ZNF138: variants seen among roughly 807,000 people sequenced by gnomAD.
ZNF138 encodes the protein zinc finger protein 138 (clone pHZ-32).
Under a neutral mutation model 33.0 loss-of-function variants are expected in ZNF138, and 33 were observed. The observed-to-expected ratio is 1.00, with a 90% CI of 0.76 to 1.34. ZNF138 has a LOEUF of 1.34. Ranked by LOEUF, ZNF138 falls within the 40% of genes most tolerant of loss-of-function variation. The probability of loss-of-function intolerance (pLI) is 0.00; values close to 1 mark genes in which losing one functional copy is unlikely to be tolerated. For missense variants in ZNF138, 360 were observed against 370.8 expected (o/e 0.97, Z 0.24); for synonymous variants, 139 against 120.4 (o/e 1.15, Z -1.01).
At chr7:64,824,653 A>T (rs1224806266) in intron 3 of ZNF138, among the ~76,000 whole-genome samples, 3 of 152,204 alleles carry the variant, frequency 2.0e-5, no homozygotes, top group Non-Finnish European at 2.9e-5. Flanking sequence ...ATGCACATAC[A>T]TAGACAAATA....
intron 1 of ZNF138, among the ~76,000 whole-genome samples, chr7:64,813,435 GAT>G (rs61193761): frequency 0.04 from 5,209 of 130,228 alleles, 154 homozygotes; most frequent in Middle Eastern, 0.1. Flanking sequence ...GCATAAAAAT[GAT>G]TTTTTTTTTT....
intron 3 of ZNF138, among the ~76,000 whole-genome samples, chr7:64,818,330 A>G (rs1434673205): frequency 6.6e-6 from 1 of 152,152 alleles, no homozygotes; most frequent in Non-Finnish European, 1.5e-5. Flanking sequence ...TATATTTTAC[A>G]AAGTATATGT....
At chr7:64,812,259 A>G (rs1188550225) in intron 1 of ZNF138, among the ~76,000 whole-genome samples, 1 of 151,970 alleles carries the variant, frequency 6.6e-6, no homozygotes, top group East Asian at 1.9e-4. Context: ...CCTGGGTTCA[A>G]GTGATTCTCC....
intron 1 of ZNF138, among the ~76,000 whole-genome samples, chr7:64,796,639 T>G (rs1012773402): frequency 6.6e-6 from 1 of 152,268 alleles, no homozygotes; most frequent in Non-Finnish European, 1.5e-5. Flanking sequence ...TTCTCAGGTC[T>G]GTTTTTTTAT....
intron 1 of ZNF138, among the ~76,000 whole-genome samples, chr7:64,810,166 C>A (rs1484232798): frequency 3.0e-5 from 4 of 131,572 alleles, no homozygotes; most frequent in Non-Finnish European, 4.8e-5. Context: ...AGCCTGGGCA[C>A]CATTGAGCAC....
At chr7:64,808,602 T>C (rs565975211) in intron 1 of ZNF138, among the ~76,000 whole-genome samples, 2 of 152,066 alleles carry the variant, frequency 1.3e-5, no homozygotes, top group South Asian at 2.1e-4. Flanking sequence ...TTTAAATTTA[T>C]TTATTTTTTA....
the ZNF138 span, among the ~76,000 whole-genome samples, chr7:64,850,299 C>T: frequency 6.6e-6 from 1 of 152,216 alleles, no homozygotes; most frequent in African/African-American, 2.4e-5. Flanking sequence ...AATATTTTGG[C>T]TGTCTGCCAG....
intron 3 of ZNF138, among the ~76,000 whole-genome samples, chr7:64,821,079 T>TG (rs1457874339): frequency 4.8e-5 from 7 of 146,288 alleles, no homozygotes; most frequent in Non-Finnish European, 1.0e-4. Context: ...TGTTTTGTTT[T>TG]TTGTTTGTTT....
rs1976918 is a variant in ZNF138 at position 64,832,664 on chromosome 7, C to T, written c.*462C>T. 0.99 allele frequency: 434,939 copies of T among 437,906 alleles called. 216,066 individuals carry two copies. The highest frequency in any genetic ancestry group is 1 in the East Asian group (17,362 of 17,368). 27.1% of individuals were successfully genotyped at this position (437,906 alleles called of 1,614,324 possible). ...AGAAAATTCATAGTAAAGAGAAACC[C>T]TACAAATGTGAACAGTGTGGCAAGG... On this transcript the variant is annotated 3_prime_UTR_variant, in exon 4 of 4. Coordinates refer to ENST00000307355, the MANE Select transcript of ZNF138 (RefSeq NM_001271639.2).
At chr7:64,814,224 C>T (rs1283179831) in intron 1 of ZNF138, 11 of 804,988 alleles carry the variant, frequency 1.4e-5, no homozygotes, top group African/African-American at 1.9e-5. Flanking sequence ...AACCAGATCT[C>T]GAGTTTATTG....
chr7:64,810,712 G>A (rs1788103536), intron 1 of ZNF138, among the ~76,000 whole-genome samples: 1 of 152,068 alleles, frequency 6.6e-6, no homozygotes, highest in Non-Finnish European at 1.5e-5. Context: ...ATTCTACATA[G>A]GGTACACTCC....
intron 1 of ZNF138, among the ~76,000 whole-genome samples, chr7:64,799,734 C>T (rs146800110): frequency 7.9e-5 from 12 of 152,242 alleles, no homozygotes; most frequent in African/African-American, 2.9e-4. Flanking sequence ...ACCTCGACCT[C>T]CCGGGTTCAA....
chr7:64,811,979 C>T (rs1010212376), intron 1 of ZNF138, among the ~76,000 whole-genome samples: 2 of 152,098 alleles, frequency 1.3e-5, no homozygotes, highest in African/African-American at 4.8e-5. Flanking sequence ...TTAGCCCAGA[C>T]TTCTAATTAG....
At chr7:64,813,256 A>G (rs1788325853) in intron 1 of ZNF138, among the ~76,000 whole-genome samples, 1 of 152,160 alleles carries the variant, frequency 6.6e-6, no homozygotes, top group Non-Finnish European at 1.5e-5. Context: ...CATTGGTTCT[A>G]TGCAGAACAG....
the ZNF138 span, among the ~76,000 whole-genome samples, chr7:64,849,288 G>A: frequency 6.6e-6 from 1 of 152,194 alleles, no homozygotes; most frequent in Non-Finnish European, 1.5e-5. Context: ...GTCCTGTGAT[G>A]TGAATTGTCT....
At chr7:64,798,321 T>A (rs1786859604) in intron 1 of ZNF138, among the ~76,000 whole-genome samples, 1 of 152,256 alleles carries the variant, frequency 6.6e-6, no homozygotes, top group African/African-American at 2.4e-5. Flanking sequence ...GGTTGTATGT[T>A]GGCTCAGACT....
chr7:64,830,037 G>A (rs1207240350), intron 3 of ZNF138, among the ~76,000 whole-genome samples: 1 of 152,166 alleles, frequency 6.6e-6, no homozygotes, highest in African/African-American at 2.4e-5. Context: ...TTTGCTGCTG[G>A]TATTATTCTC....
intron 1 of ZNF138, among the ~76,000 whole-genome samples, chr7:64,798,033 T>G (rs1583764223): frequency 6.6e-6 from 1 of 152,158 alleles, no homozygotes; most frequent in South Asian, 2.1e-4. Flanking sequence ...CTCTGCCTCC[T>G]GGGTTCAAGT....
At chr7:64,828,495 A>G (rs1372182985) in intron 3 of ZNF138, among the ~76,000 whole-genome samples, 1 of 152,136 alleles carries the variant, frequency 6.6e-6, no homozygotes, top group Non-Finnish European at 1.5e-5. Flanking sequence ...AGTTGTTACA[A>G]TATTTCCTGC....
Sources: gnomAD v4.1 joint callset for allele counts (sites outside exome capture counted in the v4.1 genomes callset) on GRCh38, gnomAD v4.1.1 for gene constraint, MANE v1.5 for transcripts, NCBI Gene and HGNC (gene_info 2026-07-23, HGNC 2026-07-21) for gene names.